The following KCNC2 variants were observed in gnomAD, a reference collection of about 807,000 sequenced individuals.
The protein encoded by KCNC2 is voltage-gated potassium channel KCNC2.
In KCNC2, 21 loss-of-function variants were observed where a neutral mutation model predicts 44.5. The ratio of observed to expected loss-of-function variants is 0.47; its 90% confidence interval spans 0.33 to 0.68. The LOEUF (loss-of-function observed/expected upper bound fraction) is 0.68, where lower values mean the gene tolerates loss of function less well. Ranked by LOEUF, KCNC2 falls within the 30% of genes least tolerant of loss-of-function variation. The pLI, the probability that KCNC2 is intolerant of heterozygous loss-of-function variation, is 0.01. For synonymous variants in KCNC2, 391 were observed against 339.1 expected (o/e 1.15, Z -1.68); for missense variants, 589 against 826.2 (o/e 0.71, Z 3.52).
At chr12:75,076,250 TTTATTTTATTTTA>T (rs1484064730) in intron 2 of KCNC2, among the ~76,000 whole-genome samples, 1 of 151,996 alleles carries the variant, frequency 6.6e-6, no homozygotes, top group Admixed American at 6.6e-5. Context: ...CCAGAACATC[TTTATTTTATTTTA>T]TTATTTTATT....
At chr12:75,043,468 A>C (rs551256466) in intron 4 of KCNC2, 1 of 1,318,966 alleles carries the variant, frequency 7.6e-7, no homozygotes, top group African/African-American at 1.5e-5. Context: ...ACAATACTTC[A>C]AAATATATTT....
At chr12:75,128,326 TC>T (rs143216810) in intron 2 of KCNC2, among the ~76,000 whole-genome samples, 1,534 of 152,184 alleles carry the variant, frequency 0.01, 21 homozygotes, top group African/African-American at 0.035. Context: ...TATGTGGACC[TC>T]CAAAAATTAC....
intron 2 of KCNC2, among the ~76,000 whole-genome samples, chr12:75,098,999 T>C (rs1476433782): frequency 6.6e-6 from 1 of 152,156 alleles, no homozygotes; most frequent in African/African-American, 2.4e-5. Context: ...AGGACTCTTT[T>C]TCACTGCATG....
chr12:75,163,741 A>G (rs1030148534), intron 2 of KCNC2, among the ~76,000 whole-genome samples: 1 of 151,742 alleles, frequency 6.6e-6, no homozygotes. Flanking sequence ...ACATTTTGAA[A>G]CATAGATTAT....
intron 2 of KCNC2, among the ~76,000 whole-genome samples, chr12:75,143,272 T>G (rs1372239046): frequency 2.0e-5 from 3 of 152,272 alleles, no homozygotes; most frequent in Admixed American, 2.0e-4. Context: ...ATGATCAAAG[T>G]AACTTATTTC....
At chr12:75,043,358 C>T in intron 4 of KCNC2, 117 bp from the exon 5 acceptor site, 1 of 1,437,714 alleles carries the variant, frequency 7.0e-7, no homozygotes, top group East Asian at 2.5e-5. Context: ...AATTTGTTTA[C>T]AAAGAATTTA....
intron 3 of KCNC2, 44 bp downstream of exon 3, chr12:75,050,346 G>T (rs750903919): frequency 3.7e-6 from 5 of 1,344,936 alleles, no homozygotes; most frequent in South Asian, 2.6e-5. Flanking sequence ...GAACATACTG[G>T]TCTATAAAGT....
chr12:75,110,945 CG>C (rs1201513458), intron 2 of KCNC2, among the ~76,000 whole-genome samples: 1 of 151,958 alleles, frequency 6.6e-6, no homozygotes, highest in East Asian at 1.9e-4. Context: ...CTTAAAAATA[CG>C]CTTTGTTATT....
At chr12:75,111,142 C>T (rs1887204197) in intron 2 of KCNC2, among the ~76,000 whole-genome samples, 1 of 152,062 alleles carries the variant, frequency 6.6e-6, no homozygotes, top group African/African-American at 2.4e-5. Context: ...GTTGAAGAAA[C>T]TTTAAAAGTA....
At chr12:75,074,600 G>A (rs1883743452) in intron 2 of KCNC2, among the ~76,000 whole-genome samples, 1 of 152,074 alleles carries the variant, frequency 6.6e-6, no homozygotes, top group Admixed American at 6.6e-5. Context: ...CTTGGCCCCC[G>A]CATGTAATTC....
chr12:75,190,556 T>C (rs1372068619), intron 2 of KCNC2, among the ~76,000 whole-genome samples: 2 of 152,178 alleles, frequency 1.3e-5, no homozygotes, highest in South Asian at 4.1e-4. Flanking sequence ...AAATGTTAGA[T>C]AGCAGGTTTT....
chr12:75,174,102 A>T (rs746827598), intron 2 of KCNC2, among the ~76,000 whole-genome samples: 4 of 151,258 alleles, frequency 2.6e-5, no homozygotes, highest in Admixed American at 6.6e-5. Context: ...TTTTGATTTA[A>T]TTTAAGTTAA....
At chr12:75,049,704 C>A (rs1880961435) in intron 3 of KCNC2, among the ~76,000 whole-genome samples, 2 of 151,728 alleles carry the variant, frequency 1.3e-5, no homozygotes, top group African/African-American at 4.8e-5. Flanking sequence ...ATTGAGTGGC[C>A]AAAGCAGATC....
chr12:75,108,415 A>G (rs1042962716), intron 2 of KCNC2, among the ~76,000 whole-genome samples: 1 of 152,230 alleles, frequency 6.6e-6, no homozygotes, highest in Non-Finnish European at 1.5e-5. Flanking sequence ...TGATGTTATG[A>G]TTAGCAACTT....
At position 75,048,196 on chromosome 12, in the gene KCNC2, C is replaced by G. The variant is rs892456842; in HGVS notation, c.1737G>C (p.Thr579=). 20 of 1,612,974 alleles carry G rather than the reference C, an allele frequency of 1.2e-5. No individual in the cohort carries two copies. The highest frequency in any genetic ancestry group is 1.7e-5 in the Admixed American group (1 of 59,920). ...CAGAAGCACACGTGTAATCACCTGT[C>G]GTCAGTAGGAAACATGTTTCCCCTC... ...NRRGETCFLL[T]TGDYTCASDG... The change falls in exon 4 of 5, where the codon ACG becomes ACC. Residue 579 remains threonine, a synonymous_variant. Coordinates refer to ENST00000549446, the MANE Select transcript of KCNC2 (RefSeq NM_139137.4).
intron 2 of KCNC2, among the ~76,000 whole-genome samples, chr12:75,130,562 TGAG>T (rs1888765042): frequency 6.6e-6 from 1 of 152,148 alleles, no homozygotes; most frequent in Non-Finnish European, 1.5e-5. Flanking sequence ...ATGCTCTGAA[TGAG>T]GCTACAGAAA....
intron 2 of KCNC2, among the ~76,000 whole-genome samples, chr12:75,187,016 A>T (rs1316025837): frequency 2.6e-5 from 4 of 152,238 alleles, no homozygotes; most frequent in African/African-American, 9.6e-5. Flanking sequence ...ACACATACCA[A>T]ATTCAGATAA....
chr12:75,189,969 C>T (rs1015896153), intron 2 of KCNC2, among the ~76,000 whole-genome samples: 63 of 152,258 alleles, frequency 4.1e-4, no homozygotes, highest in African/African-American at 2.2e-4. Flanking sequence ...TAAATACCAC[C>T]GGTTATTAGA....
At chr12:75,088,413 A>T (rs940498829) in intron 2 of KCNC2, among the ~76,000 whole-genome samples, 3 of 152,124 alleles carry the variant, frequency 2.0e-5, no homozygotes, top group African/African-American at 7.2e-5. Context: ...ATAAAGTTAC[A>T]GTGAAAGTTA....
Sources: gnomAD v4.1 joint callset for allele counts (sites outside exome capture counted in the v4.1 genomes callset) on GRCh38, gnomAD v4.1.1 for gene constraint, MANE v1.5 for transcripts, NCBI Gene and HGNC (gene_info 2026-07-23, HGNC 2026-07-21) for gene names.